ZFP30: variants seen among roughly 807,000 people sequenced by gnomAD.
ZFP30 encodes zinc finger protein 30 homolog.
Under a neutral mutation model 12.3 loss-of-function variants are expected in ZFP30, and 16 were observed. The observed-to-expected ratio is 1.30, with a 90% CI of 0.88 to 1.98. The LOEUF (loss-of-function observed/expected upper bound fraction) is 1.98. Among genes scored for constraint, ZFP30 ranks in the 30% most tolerant of loss-of-function variants. The pLI, the probability that ZFP30 is intolerant of heterozygous loss-of-function variation, is 0.00. For synonymous variants in ZFP30, 172 were observed against 201.0 expected (o/e 0.86, Z 1.22); for missense variants, 560 against 611.2 (o/e 0.92, Z 0.88).
chr19:37,649,002 C>T (rs1420853410), intron 2 of ZFP30, among the ~76,000 whole-genome samples: 1 of 152,038 alleles, frequency 6.6e-6, no homozygotes, highest in Non-Finnish European at 1.5e-5. Context: ...CTTTGGGAGG[C>T]CCAGATGGGA....
rs1297334755 is a variant in ZFP30 at position 37,633,471 on chromosome 19, A to C, written c.*1510T>G. On this transcript the variant is annotated 3_prime_UTR_variant, in exon 6 of 6. Coordinates refer to ENST00000684514, the MANE Select transcript of ZFP30 (RefSeq NM_001320669.3). ...TGGGTTCAAGTGATTCTCCTGTCTC[A>C]GCTGCCCGAGTAGCTGGGATTACAG... 6.6e-6 allele frequency: 1 copy of C among 151,942 alleles called. No individual in the cohort carries two copies. The highest frequency in any genetic ancestry group is 1.5e-5 in the Non-Finnish European group (1 of 68,052). The allele number at this position is 151,942 out of a possible 1,614,324, so 9.4% of individuals were successfully genotyped here. A position where few individuals can be genotyped will look rare whatever the true frequency, so the allele number is the denominator to read the frequency against.
intron 2 of ZFP30, among the ~76,000 whole-genome samples, chr19:37,649,381 GT>G (rs1216130285): frequency 6.6e-6 from 1 of 152,086 alleles, no homozygotes; most frequent in African/African-American, 2.4e-5. Context: ...ACACCTCATA[GT>G]TACTAAGCTG....
At chr19:37,649,799 G>A (rs559274791) in intron 2 of ZFP30, among the ~76,000 whole-genome samples, 1 of 150,666 alleles carries the variant, frequency 6.6e-6, no homozygotes, top group South Asian at 2.1e-4. Context: ...ACTCCAGCCT[G>A]GGCAATAGAG....
Position 37,643,269 on chromosome 19 carries a change from A to C in ZFP30, c.231T>G (p.Thr77=), listed in dbSNP as rs747447991. The C allele has an allele frequency of 2.5e-5, 40 of 1,611,122 alleles. No homozygotes were observed. Among genetic ancestry groups the C allele is most frequent in the Middle Eastern group, 1.6e-4 (1 of 6,080 alleles). The change falls in exon 5 of 6, where the codon ACT becomes ACG. Residue 77 remains threonine, a synonymous_variant. Coordinates refer to ENST00000684514, the MANE Select transcript of ZFP30 (RefSeq NM_001320669.3). ...MVVRDEKRRW[T]LDLESRYDTK... Reference sequence around the variant, plus strand: ...CTCTGCCTGATCAGCACTTACCTAGAGTCCATCTTCTTTTCTCATCCCTCA... The same window carrying C: ...CTCTGCCTGATCAGCACTTACCTAGCGTCCATCTTCTTTTCTCATCCCTCA...
rs565990248 is a variant in ZFP30, at chr19:37,633,882, T to C, written c.*1099A>G. ...GACATTCCAGATATATCATCTCCTG[T>C]GTATAGACTTCAGAAATTATCTCTA... On this transcript the variant is annotated 3_prime_UTR_variant, in exon 6 of 6. Coordinates refer to ENST00000684514, the MANE Select transcript of ZFP30 (RefSeq NM_001320669.3). The C allele has an allele frequency of 1.3e-5, 2 of 152,324 alleles. No homozygotes were observed. Among genetic ancestry groups the C allele is most frequent in the South Asian group, 4.1e-4 (2 of 4,826 alleles). The allele number at this position is 152,324 out of a possible 1,614,324, so 9.4% of individuals were successfully genotyped here.
chr19:37,636,263 T>C lies in ZFP30; in HGVS notation c.278A>G (p.Lys93Arg), dbSNP rs1458352090. 2.5e-6 allele frequency: 4 copies of C among 1,602,688 alleles called. No individual in the cohort carries two copies. Among genetic ancestry groups the C allele is most frequent in the African/African-American group, 1.3e-5 (1 of 74,088 alleles). ...AGATAAGTTCATTTCATAAATATCC[T>C]TTCCTTGAAATAACTTTTTAGTGTC... ...RYDTKKLFQG[K>R]DIYEMNLSQW... Residue 93 changes from lysine (K) to arginine (R), a missense_variant, in exon 6 of 6, where the codon AAG (lysine) becomes AGG (arginine). Lys to Arg is a conservative substitution (Grantham distance 26). Coordinates refer to ENST00000684514, the MANE Select transcript of ZFP30 (RefSeq NM_001320669.3).
At chr19:37,654,438 C>G (rs974834659) in intron 2 of ZFP30, among the ~76,000 whole-genome samples, 6 of 152,146 alleles carry the variant, frequency 3.9e-5, no homozygotes, top group Non-Finnish European at 8.8e-5. Context: ...ATCTCCAGCA[C>G]GGGTATTTCC....
rs776649068 is a variant in ZFP30, at chr19:37,635,562, C to G, written c.979G>C (p.Glu327Gln). 2 of 1,614,176 alleles carry G rather than the reference C, an allele frequency of 1.2e-6. No homozygotes were observed. The highest frequency in any genetic ancestry group is 1.7e-5 in the Admixed American group (1 of 60,030). Residue 327 changes from glutamate (E) to glutamine (Q), a missense_variant, in exon 6 of 6, where the codon GAA becomes CAA. Coordinates refer to ENST00000684514, the MANE Select transcript of ZFP30 (RefSeq NM_001320669.3). ...AAGGCCTTTCCACACTCCTTACATT[C>G]ATAGGGTTTTTCTCCAGTATGAAGT... ...HKLHTGEKPY[E>Q]CKECGKAFRV...
In ZFP30 at chr19:37,635,763, G is replaced by T. The variant is rs1260565895; in HGVS notation, c.778C>A (p.His260Asn). ...TTCTCACCCGTGTGAATCCTTTGAT[G>T]GAGATTAAGTTGTCCTCTAACTCTA... ...AFRVRGQLNL[H>N]QRIHTGEKPY... The change falls in exon 6 of 6, where the codon CAT becomes AAT. Residue 260 changes from histidine to asparagine, a missense_variant. By Grantham distance (68) the His-to-Asn change is moderately conservative. Transcript: ENST00000684514. 1.3e-5 allele frequency: 21 copies of T among 1,613,934 alleles called. No homozygotes were observed. Among genetic ancestry groups the T allele is most frequent in the Non-Finnish European group, 1.8e-5 (21 of 1,180,042 alleles).
intron 3 of ZFP30, among the ~76,000 whole-genome samples, chr19:37,646,263 C>T (rs993430502): frequency 8.6e-5 from 13 of 152,036 alleles, no homozygotes; most frequent in Admixed American, 3.3e-4. Context: ...CCTTGGGTAA[C>T]GAGGGACTGC....
At chr19:37,644,367 C>G (rs2044497172) in intron 4 of ZFP30, 1 of 257,104 alleles carries the variant, frequency 3.9e-6, no homozygotes, top group African/African-American at 2.3e-5. Context: ...AACCCCGTCT[C>G]TACTTAAAAT....
intron 3 of ZFP30, among the ~76,000 whole-genome samples, chr19:37,646,799 AG>A (rs1388417366): frequency 6.6e-6 from 1 of 152,106 alleles, no homozygotes; most frequent in Non-Finnish European, 1.5e-5. Flanking sequence ...GATCTCATTA[AG>A]TTGCTCAAGG....
At chr19:37,654,207 A>G (rs1485339175) in intron 2 of ZFP30, among the ~76,000 whole-genome samples, 1 of 152,170 alleles carries the variant, frequency 6.6e-6, no homozygotes, top group Non-Finnish European at 1.5e-5. Context: ...ATTCCACTTA[A>G]TCTAGGCTCG....
intron 2 of ZFP30, among the ~76,000 whole-genome samples, chr19:37,652,463 G>C (rs1310768950): frequency 6.6e-6 from 1 of 152,108 alleles, no homozygotes; most frequent in Non-Finnish European, 1.5e-5. Flanking sequence ...AGCTACTTGG[G>C]AGACTGAGGC....
Position 37,643,019 on chromosome 19 carries a change from C to T in ZFP30, c.235+246G>A, listed in dbSNP as rs183507897. 7.0e-4 allele frequency among the ~76,000 whole-genome samples: 100 copies of T among 142,242 alleles called. No homozygotes were observed. The East Asian group carries it at 0.016, about 23-fold the overall frequency. 93.3% of individuals were successfully genotyped at this position (142,242 alleles called of 152,430 possible). ...AGTGAGCAGAGATCGCGCCACTGCA[C>T]TCTAGCCTGGGCGACAGAGCGAGAC... On this transcript the variant is annotated intron_variant, in intron 5 of 5. Transcript: ENST00000684514.
rs898109492 is a variant in ZFP30 at position 37,639,493 on chromosome 19, G to C, written c.236-3188C>G. Among the ~76,000 whole-genome samples the C allele has an allele frequency of 2.6e-5, 4 of 152,118 alleles. No individual in the cohort carries two copies. The East Asian group carries it at 7.7e-4, about 29-fold the overall frequency. ...GCACCTGTAATCCCCAACTACTTGG[G>C]GAGGCTGTGGTGGGAGGATCACTTG... On this transcript the variant is annotated intron_variant, in intron 5 of 5. Coordinates refer to ENST00000684514, the MANE Select transcript of ZFP30 (RefSeq NM_001320669.3).
chr19:37,644,803 G>A, intron 3 of ZFP30, 67 bp from the exon 4 acceptor site: 1 of 1,516,748 alleles, frequency 6.6e-7, no homozygotes, highest in Non-Finnish European at 8.9e-7. Flanking sequence ...GAAGAAGGTG[G>A]CTGGGTGTAG....
At chr19:37,638,195 C>CG (rs1568380949) in intron 5 of ZFP30, among the ~76,000 whole-genome samples, 2 of 152,146 alleles carry the variant, frequency 1.3e-5, no homozygotes, top group Non-Finnish European at 2.9e-5. Context: ...TTTGCATAAT[C>CG]ATAAGTGAAC....
Position 37,635,011 on chromosome 19 carries a change from A to G in ZFP30, c.1530T>C (p.Thr510=), listed in dbSNP as rs781166265. The G allele has an allele frequency of 1.9e-6, 3 of 1,562,508 alleles. No individual in the cohort carries two copies. Among genetic ancestry groups the G allele is most frequent in the Non-Finnish European group, 2.6e-6 (3 of 1,157,734 alleles). ...KKAFRQHSHL[T]YHQRIHNVT ...TTACATTATGAATTCGCTGATGGTA[A>G]GTAAGATGTGAATGTTGTCTAAATG... Residue 510 remains threonine, a synonymous_variant, in exon 6 of 6, where the codon ACT becomes ACC. Transcript: ENST00000684514.
Sources: gnomAD v4.1 joint callset for allele counts (sites outside exome capture counted in the v4.1 genomes callset) on GRCh38, gnomAD v4.1.1 for gene constraint, MANE v1.5 for transcripts, NCBI Gene and HGNC (gene_info 2026-07-23, HGNC 2026-07-21) for gene names.